The following BRD3 variants were observed in gnomAD, a reference collection of about 807,000 sequenced individuals.
The protein encoded by BRD3 is bromodomain-containing protein 3.
In BRD3, 17 loss-of-function variants were observed where a neutral mutation model predicts 66.8. The observed-to-expected ratio is 0.25, with a 90% CI of 0.17 to 0.38. The LOEUF is 0.38. BRD3 is among the 10% of genes least tolerant of loss of function. The pLI is 1.00. For missense variants in BRD3, 713 were observed against 956.1 expected, an observed-to-expected ratio of 0.75 and a Z score of 3.35; for synonymous variants, 421 against 393.2, an observed-to-expected ratio of 1.07 and a Z score of -0.84.
At chr9:134,053,778 G>C in intron 1 of BRD3, 188 bp from the exon 2 acceptor site, 1 of 451,348 alleles carries the variant, frequency 2.2e-6, no homozygotes, top group Non-Finnish European at 3.9e-6. Flanking sequence ...AGCGCGACCA[G>C]CTCAGAACGA....
chr9:134,065,375 G>A (rs1334436642), intron 1 of BRD3, among the ~76,000 whole-genome samples: 2 of 151,380 alleles, frequency 1.3e-5, no homozygotes, highest in Non-Finnish European at 2.9e-5. Flanking sequence ...AGTGGGCTGA[G>A]ATCGTGCCAC....
chr9:134,032,868 C>G lies in BRD3; in HGVS notation c.*722G>C. ...TTTTTTTTTTTTTAAATCTTTTCTT[C>G]TTTTTTTTTTTTTAAAGTTGAGGTA... On this transcript the variant is annotated 3_prime_UTR_variant, in exon 12 of 12. Transcript: ENST00000303407. 28 of 227,340 alleles carry G rather than the reference C, an allele frequency of 1.2e-4. No individual in the cohort carries two copies. Among genetic ancestry groups the G allele is most frequent in the Non-Finnish European group, 2.0e-4 (24 of 121,506 alleles). The allele number at this position is 227,340 out of a possible 1,614,324, so 14.1% of individuals were successfully genotyped here. A position where few individuals can be genotyped will look rare whatever the true frequency, so the allele number is the denominator to read the frequency against.
chr9:134,036,350 G>C (rs756438782), intron 9 of BRD3, 26 bp from the exon 10 acceptor site: 3 of 1,579,182 alleles, frequency 1.9e-6, no homozygotes, highest in Non-Finnish European at 2.6e-6. Flanking sequence ...GAGCAACGTG[G>C]TGTTGAGTCT....
rs1830148391 is a variant in BRD3, at chr9:134,045,506, C to G, written c.1087-85G>C. ...ACACCCCACGAGATGAACTCTGGAG[C>G]CTCAGGAGCCACTGCCAGCTCCAGG... On this transcript the variant is annotated intron_variant, in intron 6 of 11. Transcript: ENST00000303407. The surrounding 1 kb of genome is among the most constrained non-coding windows in gnomAD (Gnocchi z 4.8). The G allele has an allele frequency of 1.3e-6, 2 of 1,577,498 alleles. No individual in the cohort carries two copies. The highest frequency in any genetic ancestry group is 1.3e-5 in the African/African-American group (1 of 74,342).
intron 11 of BRD3, 136 bp downstream of exon 11, chr9:134,034,565 A>C: frequency 1.6e-6 from 2 of 1,266,700 alleles, no homozygotes; most frequent in Non-Finnish European, 2.1e-6. Flanking sequence ...TCAGGAGCTC[A>C]AGAGCTCGTC....
At chr9:134,047,504 C>T (rs459571) in intron 6 of BRD3, among the ~76,000 whole-genome samples, 37,568 of 152,214 alleles carry the variant, frequency 0.25, 5,931 homozygotes, top group East Asian at 0.62. Flanking sequence ...TCACTCTGAC[C>T]TGCTGTGAGG....
chr9:134,034,997 C>G lies in BRD3; in HGVS notation c.1937-168G>C, dbSNP rs747140330. On this transcript the variant is annotated intron_variant, in intron 10 of 11. Transcript: ENST00000303407. ...AGATGCAAAGCTGTCACCAGGGCTT[C>G]GAGTGGCAGAAATGACTGGGATGAG... is the stretch of plus-strand genomic sequence containing the variant. Among the ~76,000 whole-genome samples, 25 of 152,172 alleles carry G rather than the reference C, an allele frequency of 1.6e-4. 1 individual carries two copies. Among genetic ancestry groups the G allele is most frequent in the Admixed American group, 2.0e-4 (3 of 15,280 alleles).
At chr9:134,041,621 G>A (rs1398489583) in intron 8 of BRD3, 139 bp downstream of exon 8, 3 of 1,167,480 alleles carry the variant, frequency 2.6e-6, no homozygotes, top group Non-Finnish European at 3.6e-6. Context: ...CACTCCGAGT[G>A]TCTTTACGGG....
chr9:134,060,776 C>T (rs1351413801), intron 1 of BRD3, among the ~76,000 whole-genome samples: 1 of 152,194 alleles, frequency 6.6e-6, no homozygotes, highest in East Asian at 1.9e-4. Flanking sequence ...GGTGAGGTGG[C>T]CCGAATCCTA....
intron 1 of BRD3, among the ~76,000 whole-genome samples, chr9:134,061,556 C>T (rs1214173588): frequency 6.6e-6 from 1 of 152,214 alleles, no homozygotes; most frequent in African/African-American, 2.4e-5. Context: ...GCTCCCCATT[C>T]CCCATGGGTC....
rs1843523083 is a variant in BRD3, at chr9:134,032,379, A to C, written c.*1211T>G. On this transcript the variant is annotated 3_prime_UTR_variant, in exon 12 of 12. Transcript: ENST00000303407. ...GAATACAAAAGAACTAAACAAAATA[A>C]AAAATTAGAATGTGCTGTAGCTGAA... 4.4e-6 allele frequency: 1 copy of C among 225,098 alleles called. No homozygotes were observed. The highest frequency in any genetic ancestry group is 8.8e-6 in the Non-Finnish European group (1 of 113,444). 13.9% of individuals were successfully genotyped at this position (225,098 alleles called of 1,614,324 possible). A position where few individuals can be genotyped will look rare whatever the true frequency, so the allele number is the denominator to read the frequency against.
chr9:134,040,295 G>A, intron 8 of BRD3, 26 bp from the exon 9 acceptor site: 1 of 1,579,500 alleles, frequency 6.3e-7, no homozygotes, highest in Non-Finnish European at 8.6e-7. Flanking sequence ...CGGCTGAGCA[G>A]GTGCTGGGCA....
intron 1 of BRD3, chr9:134,058,424 CA>C (rs1169448491): frequency 6.6e-6 from 1 of 152,280 alleles, no homozygotes; most frequent in Admixed American, 6.5e-5. Flanking sequence ...CATGTCTGCC[CA>C]AAACAAACAT....
At chr9:134,034,226 C>G (rs747823523) in intron 11 of BRD3, among the ~76,000 whole-genome samples, 1 of 152,232 alleles carries the variant, frequency 6.6e-6, no homozygotes, top group Non-Finnish European at 1.5e-5. Flanking sequence ...TGTGCTCTAA[C>G]AGGGTCCAGA....
rs1244090178 is a variant in BRD3 at position 134,033,896 on chromosome 9, G to GA, written c.2066-192dup. Among the ~76,000 whole-genome samples, 1 of 152,142 alleles carries GA rather than the reference G, an allele frequency of 6.6e-6. No homozygotes were observed. Among genetic ancestry groups the GA allele is most frequent in the Non-Finnish European group, 1.5e-5 (1 of 68,006 alleles). On this transcript the variant is annotated intron_variant, in intron 11 of 11. Transcript: ENST00000303407. This position sits in a 1 kb window ranked among gnomAD's most constrained non-coding sequence, Gnocchi z 5.1. ...GACTATCTGAATATACTTGAGACAG[G>GA]AAAAAAATGAATGCAGACTACTAAC...
chr9:134,057,767 T>A (rs1293043775), intron 1 of BRD3: 1 of 152,248 alleles, frequency 6.6e-6, no homozygotes, highest in Non-Finnish European at 1.5e-5. Flanking sequence ...CCTGGGAAGT[T>A]AAAGAACGAG....
rs749966068 is a variant in BRD3 at position 134,036,257 on chromosome 9, G to A, written c.1711C>T (p.Pro571Ser). Residue 571 changes from proline to serine, a missense_variant, in exon 10 of 12, where the codon CCC becomes TCC. Coordinates refer to ENST00000303407, the MANE Select transcript of BRD3 (RefSeq NM_007371.4). ...TGGCGCTTTTCATCGTAGCTCATGG[G>A]CAGGCCCTCCTCCTCTTCCTCTGAG... ...YDSEEEEEGLPMSYDEKRQLS... is the reference protein window; with the variant it reads ...YDSEEEEEGLSMSYDEKRQLS... 26 of 1,614,078 alleles carry A rather than the reference G, an allele frequency of 1.6e-5. No homozygotes were observed. Among genetic ancestry groups the A allele is most frequent in the Non-Finnish European group, 2.1e-5 (25 of 1,180,018 alleles).
rs1427974272 is a variant in BRD3 at position 134,033,754 on chromosome 9, C to T, written c.2066-49G>A. The T allele has an allele frequency of 1.0e-5, 7 of 682,958 alleles. No individual in the cohort carries two copies. The highest frequency in any genetic ancestry group is 1.9e-5 in the Non-Finnish European group (7 of 371,314). 42.3% of individuals were successfully genotyped at this position (682,958 alleles called of 1,614,324 possible). A position where few individuals can be genotyped will look rare whatever the true frequency, so the allele number is the denominator to read the frequency against. On this transcript the variant is annotated intron_variant, in intron 11 of 11. Transcript: ENST00000303407. This position sits in a 1 kb window ranked among gnomAD's most constrained non-coding sequence, Gnocchi z 5.1. ...TGCGCTCGCACACCCGCTTCTTGAC[C>T]CGCTTGGCGGCATGTCGTCCATGCC...
intron 9 of BRD3, among the ~76,000 whole-genome samples, chr9:134,038,241 A>G (rs457084): frequency 0.41 from 62,386 of 150,330 alleles, 13,055 homozygotes; most frequent in East Asian, 0.63. Context: ...TGCAACCTCT[A>G]CCTCCCGGGT....
Sources: allele counts gnomAD v4.1 joint callset (sites outside exome capture counted in the v4.1 genomes callset), GRCh38; gene constraint gnomAD v4.1.1; non-coding constraint Gnocchi (gnomAD v3.1); transcripts MANE v1.5; gene names NCBI Gene and HGNC (gene_info 2026-07-23, HGNC 2026-07-21).